Variants in EXOSC7 observed in about 807,000 individuals in gnomAD.
EXOSC7 encodes exosome component 7, also known as exosome complex component RRP42.
Under a neutral mutation model 34.3 loss-of-function variants are expected in EXOSC7, and 25 were observed. That is an observed-to-expected ratio of 0.73 (90% CI 0.53 to 1.02). The LOEUF is 1.02. EXOSC7 is among the 50% of genes least tolerant of loss of function. The pLI is 0.00. For synonymous variants in EXOSC7, 130 were observed against 143.0 expected (o/e 0.91, Z 0.65); for missense variants, 370 against 368.5 (o/e 1.00, Z -0.03).
At chr3:44,979,173 A>G (rs1465382004) in intron 1 of EXOSC7, among the ~76,000 whole-genome samples, 1 of 152,136 alleles carries the variant, frequency 6.6e-6, no homozygotes, top group Non-Finnish European at 1.5e-5. Flanking sequence ...ACACCATCCA[A>G]ATAAAGGTCA....
At chr3:45,009,326 G>A (rs549830407) in intron 7 of EXOSC7, among the ~76,000 whole-genome samples, 1 of 152,182 alleles carries the variant, frequency 6.6e-6, no homozygotes, top group Non-Finnish European at 1.5e-5. Context: ...GGAGCTGAGA[G>A]CCTTGGGGGT....
intron 6 of EXOSC7, among the ~76,000 whole-genome samples, chr3:45,006,659 G>A (rs6441880): frequency 0.59 from 87,859 of 147,826 alleles, 26,981 homozygotes; most frequent in East Asian, 0.89. Flanking sequence ...CTCATGATCT[G>A]CCCGCCTCGG....
In EXOSC7 at chr3:45,006,068, C is replaced by CTTTT. The variant is rs34869939; in HGVS notation, c.615+680_615+683dup. ...AGGATGGCAGGATGTTGGGTCTTGG[C>CTTTT]TTTTTTTTTTTTTTTTTTTTTTTTT... On this transcript the variant is annotated intron_variant, in intron 6 of 7. Coordinates refer to ENST00000265564, the MANE Select transcript of EXOSC7 (RefSeq NM_015004.4). Among the ~76,000 whole-genome samples, 126 of 47,296 alleles carry CTTTT rather than the reference C, an allele frequency of 2.7e-3. 27 individuals carry two copies. Among genetic ancestry groups the CTTTT allele is most frequent in the African/African-American group, 9.3e-3 (111 of 11,948 alleles). The allele number at this position is 47,296 out of a possible 152,430, so 31.0% of individuals were successfully genotyped here.
At chr3:44,982,278 C>T (rs113232597) in intron 1 of EXOSC7, among the ~76,000 whole-genome samples, 167 of 152,330 alleles carry the variant, frequency 1.1e-3, no homozygotes, top group African/African-American at 3.9e-3. Flanking sequence ...GAGTTGGTCA[C>T]CCTTTGGATT....
chr3:45,000,671 G>A (rs1396809276), intron 4 of EXOSC7, among the ~76,000 whole-genome samples: 1 of 152,224 alleles, frequency 6.6e-6, no homozygotes, highest in African/African-American at 2.4e-5. Flanking sequence ...CTGAGCATCA[G>A]ATATACATTG....
chr3:45,001,657 G>A, intron 5 of EXOSC7, 49 bp downstream of exon 5: 2 of 1,347,578 alleles, frequency 1.5e-6, no homozygotes, highest in Non-Finnish European at 2.1e-6. Context: ...AACCAGAGCA[G>A]ACACTTGTAA....
In EXOSC7 at chr3:45,005,381, G is replaced by T. The variant is rs1189982005; in HGVS notation, c.582G>T (p.Val194=). The T allele has an allele frequency of 6.2e-7, 1 of 1,614,010 alleles. No individual in the cohort carries two copies. The highest frequency in any genetic ancestry group is 8.5e-7 in the Non-Finnish European group (1 of 1,180,004). The change falls in exon 6 of 8, where the codon GTG becomes GTT. Residue 194 remains valine, a synonymous_variant. Transcript: ENST00000265564. ...CTTATGACTGCATACGACTAAGTGTGGAGAATGTCCCCTGCATTGTCACTC... is the reference window on the plus strand; with the variant it reads ...CTTATGACTGCATACGACTAAGTGTTGAGAATGTCCCCTGCATTGTCACTC... ...DDPYDCIRLS[V]ENVPCIVTLC...
At chr3:45,006,321 G>A (rs1707039361) in intron 6 of EXOSC7, among the ~76,000 whole-genome samples, 1 of 149,688 alleles carries the variant, frequency 6.7e-6, no homozygotes, top group Admixed American at 6.6e-5. Flanking sequence ...CGGGTGATCT[G>A]CCCACCTCAG....
chr3:45,000,489 C>G (rs959156248), intron 4 of EXOSC7, among the ~76,000 whole-genome samples: 2 of 152,224 alleles, frequency 1.3e-5, no homozygotes, highest in South Asian at 4.1e-4. Flanking sequence ...AGGCCAAGGC[C>G]TCTCTAAAAT....
At chr3:44,982,221 T>C (rs1706290800) in intron 1 of EXOSC7, among the ~76,000 whole-genome samples, 2 of 152,166 alleles carry the variant, frequency 1.3e-5, no homozygotes, top group Non-Finnish European at 2.9e-5. Flanking sequence ...AGAGACCAGA[T>C]TGCAATGAGA....
intron 1 of EXOSC7, among the ~76,000 whole-genome samples, chr3:44,984,131 A>G (rs1706345551): frequency 6.6e-6 from 1 of 152,142 alleles, no homozygotes; most frequent in South Asian, 2.1e-4. Flanking sequence ...GTACATTTTC[A>G]CTACAAAGAG....
chr3:44,982,136 C>T (rs1553698169), intron 1 of EXOSC7, among the ~76,000 whole-genome samples: 1 of 152,206 alleles, frequency 6.6e-6, no homozygotes, highest in Non-Finnish European at 1.5e-5. Flanking sequence ...TTCGTGTGGC[C>T]TCTCTGGGCT....
intron 1 of EXOSC7, among the ~76,000 whole-genome samples, chr3:44,984,428 C>G (rs1199190014): frequency 6.6e-6 from 1 of 151,488 alleles, no homozygotes; most frequent in Non-Finnish European, 1.5e-5. Context: ...GTGATCACCA[C>G]TGCACTACAG....
At chr3:45,001,730 G>A in intron 5 of EXOSC7, 122 bp downstream of exon 5, 1 of 720,958 alleles carries the variant, frequency 1.4e-6, no homozygotes, top group Admixed American at 2.3e-5. Flanking sequence ...TTTTAACATT[G>A]AAAATGGTGA....
chr3:44,976,389 T>G (rs1575991892), intron 1 of EXOSC7, 55 bp downstream of exon 1: 1 of 1,484,358 alleles, frequency 6.7e-7, no homozygotes, highest in Non-Finnish European at 9.0e-7. Context: ...GCCCTGCGGG[T>G]CGCGGCCTGC....
In EXOSC7 at chr3:44,976,353, T is replaced by A. The variant is rs574646729; in HGVS notation, c.57+19T>A. ...CGTCCAGGTAGCTACAGCAGCGGCGTTGGGTCGGCCGCCGGGTTCAGCCTG... is the reference window on the plus strand; with the variant it reads ...CGTCCAGGTAGCTACAGCAGCGGCGATGGGTCGGCCGCCGGGTTCAGCCTG... On this transcript the variant is annotated intron_variant, in intron 1 of 7. Transcript: ENST00000265564. 6.4e-7 allele frequency: 1 copy of A among 1,564,122 alleles called. No homozygotes were observed. Among genetic ancestry groups the A allele is most frequent in the African/African-American group, 1.4e-5 (1 of 71,112 alleles).
At chr3:44,997,005 G>T (rs2125968445) in intron 3 of EXOSC7, 82 bp from the exon 4 acceptor site, 1 of 1,418,100 alleles carries the variant, frequency 7.1e-7, no homozygotes, top group South Asian at 1.2e-5. Flanking sequence ...GCATTCTACA[G>T]GGAAACTGGA....
intron 3 of EXOSC7, among the ~76,000 whole-genome samples, chr3:44,995,679 G>A (rs930624917): frequency 1.3e-5 from 2 of 152,184 alleles, no homozygotes; most frequent in African/African-American, 2.4e-5. Flanking sequence ...AGGGAACAGC[G>A]AGGTTGCTAT....
chr3:45,003,033 G>C (rs1245868287), intron 5 of EXOSC7, among the ~76,000 whole-genome samples: 1 of 152,218 alleles, frequency 6.6e-6, no homozygotes, highest in African/African-American at 2.4e-5. Context: ...ACCAGACAAG[G>C]CTGTTTAGCT....
Sources: gnomAD v4.1 joint callset for allele counts (sites outside exome capture counted in the v4.1 genomes callset) on GRCh38, gnomAD v4.1.1 for gene constraint, MANE v1.5 for transcripts, NCBI Gene and HGNC (gene_info 2026-07-23, HGNC 2026-07-21) for gene names.